The following ERC2 variants were observed in gnomAD, a reference collection of about 807,000 sequenced individuals.
ERC2 encodes ELKS/RAB6-interacting/CAST family member 2.
Under a neutral mutation model 114.8 loss-of-function variants are expected in ERC2, and 42 were observed. That is an observed-to-expected ratio of 0.37 (90% CI 0.29 to 0.47). ERC2 has a LOEUF of 0.47. Ranked by LOEUF, ERC2 falls within the 20% of genes least tolerant of loss-of-function variation. The probability of loss-of-function intolerance (pLI) is 0.99; values close to 1 mark genes in which losing one functional copy is unlikely to be tolerated. For synonymous variants in ERC2, 454 were observed against 425.5 expected (o/e 1.07, Z -0.82); for missense variants, 939 against 1,150.7 (o/e 0.82, Z 2.66).
At chr3:56,378,821 T>C (rs1036148832) in intron 2 of ERC2, among the ~76,000 whole-genome samples, 9 of 152,160 alleles carry the variant, frequency 5.9e-5, no homozygotes, top group African/African-American at 2.2e-4. Context: ...ACACCTCCAC[T>C]GCAACAGAGG....
rs58483738 is a variant in ERC2 at position 55,646,338 on chromosome 3, A to G, written c.*39+37456T>C. On this transcript the variant is annotated intron_variant, in intron 17 of 17. Coordinates refer to ENST00000288221, the MANE Select transcript of ERC2 (RefSeq NM_015576.3). ...CTTTGCTAAAATCCATTCAAGAAGC[A>G]TCTTTACCCTTCAAGATGTCTGGTG... Among the ~76,000 whole-genome samples, 414 of 152,346 alleles carry G rather than the reference A, an allele frequency of 2.7e-3. 12 individuals carry two copies. In the East Asian group the frequency reaches 0.042, roughly 16 times the overall value.
At chr3:56,445,831 C>G (rs983931502) in intron 1 of ERC2, among the ~76,000 whole-genome samples, 5 of 152,276 alleles carry the variant, frequency 3.3e-5, no homozygotes, top group Admixed American at 1.3e-4. Context: ...ATGATAGTTT[C>G]AATAGCATAC....
chr3:56,373,281 C>CA (rs1560695479), intron 2 of ERC2, among the ~76,000 whole-genome samples: 1 of 151,936 alleles, frequency 6.6e-6, no homozygotes, highest in Non-Finnish European at 1.5e-5. Context: ...CGATATTCAC[C>CA]AAAAAAATCT....
chr3:55,951,305 T>C (rs2067483158), intron 12 of ERC2, among the ~76,000 whole-genome samples: 3 of 152,216 alleles, frequency 2.0e-5, no homozygotes, highest in African/African-American at 7.2e-5. Context: ...AAATAACAAT[T>C]ATGAGGCTCC....
At chr3:56,428,260 C>T (rs568774700) in intron 2 of ERC2, among the ~76,000 whole-genome samples, 9 of 152,248 alleles carry the variant, frequency 5.9e-5, no homozygotes, top group African/African-American at 2.2e-4. Context: ...GTGGCTCACG[C>T]CTGTAATCCC....
At chr3:56,044,722 A>G (rs929037339) in intron 7 of ERC2, among the ~76,000 whole-genome samples, 11 of 152,122 alleles carry the variant, frequency 7.2e-5, no homozygotes, top group African/African-American at 2.4e-4. Context: ...CAATGTTGTT[A>G]TAAGAGTCAC....
intron 15 of ERC2, 109 bp downstream of exon 15, chr3:55,734,662 G>T: frequency 7.2e-7 from 1 of 1,381,786 alleles, no homozygotes; most frequent in Non-Finnish European, 9.7e-7. Flanking sequence ...GGTTTTAGGA[G>T]CTTGAGCCCA....
At position 55,950,514 on chromosome 3, in the gene ERC2, G is replaced by C. The variant is rs772165287; in HGVS notation, c.2314C>G (p.Gln772Glu). 4.3e-6 allele frequency: 7 copies of C among 1,613,872 alleles called. No individual in the cohort carries two copies. In the East Asian group the frequency reaches 1.3e-4, roughly 31 times the overall value. Residue 772 changes from glutamine to glutamate, a missense_variant, in exon 13 of 18, where the codon CAA (glutamine) becomes GAA (glutamate). Gln to Glu is a conservative substitution (Grantham distance 29). Around this residue, in one of 5 missense-constraint regions of ERC2, gnomAD observed 328 missense variants for 353.9 expected, o/e 0.93. Transcript: ENST00000288221. Reference sequence around the variant, plus strand: ...GCATTTTTCTTCTTTTCCAACTGTTGATTGTGCTTGAGGTTGGCCACCTTC... The same window carrying C: ...GCATTTTTCTTCTTTTCCAACTGTTCATTGTGCTTGAGGTTGGCCACCTTC... ...NKKVANLKHN[Q>E]QLEKKKNAQL...
intron 17 of ERC2, among the ~76,000 whole-genome samples, chr3:55,530,005 C>A (rs547148111): frequency 2.9e-4 from 44 of 152,286 alleles, no homozygotes; most frequent in Admixed American, 2.7e-3. Flanking sequence ...CCTCTTTATT[C>A]TCTTCCTAAA....
At chr3:56,288,019 T>G (rs1370874199) in intron 3 of ERC2, among the ~76,000 whole-genome samples, 1 of 152,144 alleles carries the variant, frequency 6.6e-6, no homozygotes, top group Non-Finnish European at 1.5e-5. Flanking sequence ...TCTGAGGAAA[T>G]AGTTAAAACG....
chr3:56,129,148 G>C (rs371758423), intron 6 of ERC2, among the ~76,000 whole-genome samples: 2 of 152,152 alleles, frequency 1.3e-5, no homozygotes, highest in Non-Finnish European at 2.9e-5. Context: ...GAAAGTATAT[G>C]TCTGCATGGA....
At chr3:56,126,482 T>C (rs914824345) in intron 6 of ERC2, among the ~76,000 whole-genome samples, 28 of 152,186 alleles carry the variant, frequency 1.8e-4, no homozygotes, top group African/African-American at 6.5e-4. Context: ...ATCTTACATA[T>C]GGAAACCCTA....
Position 56,283,719 on chromosome 3 carries a change from T to C in ERC2, c.1074+12300A>G, listed in dbSNP as rs557549397. On this transcript the variant is annotated intron_variant, in intron 3 of 17. Coordinates refer to ENST00000288221, the MANE Select transcript of ERC2 (RefSeq NM_015576.3). ...AGTGAGGGAGCTCTTAATTCCAGAT[T>C]CAAGTGATTAAATCATAAAAGAAGT... is the stretch of plus-strand genomic sequence containing the variant. Among the ~76,000 whole-genome samples, 49 of 152,344 alleles carry C rather than the reference T, an allele frequency of 3.2e-4. 1 individual carries two copies. The South Asian group carries it at 0.01, about 32-fold the overall frequency.
At chr3:55,830,378 T>C (rs376167837) in intron 14 of ERC2, among the ~76,000 whole-genome samples, 41 of 152,326 alleles carry the variant, frequency 2.7e-4, no homozygotes, top group African/African-American at 8.7e-4. Flanking sequence ...ACGAAGGACA[T>C]TCAACAGCAA....
intron 14 of ERC2, among the ~76,000 whole-genome samples, chr3:55,792,867 G>C (rs2070159712): frequency 6.6e-6 from 1 of 152,116 alleles, no homozygotes. Context: ...TGGGTGTAGA[G>C]TACAGTGTCA....
chr3:55,894,857 G>C (rs1297440422), intron 13 of ERC2, among the ~76,000 whole-genome samples: 1 of 152,188 alleles, frequency 6.6e-6, no homozygotes, highest in Non-Finnish European at 1.5e-5. Context: ...ACAATGCCTA[G>C]TACTCAGTAG....
At chr3:55,857,201 A>T (rs1453074454) in intron 14 of ERC2, among the ~76,000 whole-genome samples, 1 of 152,188 alleles carries the variant, frequency 6.6e-6, no homozygotes, top group Non-Finnish European at 1.5e-5. Flanking sequence ...AAAAAGAAAA[A>T]TAAAACAGAG....
At chr3:55,950,260 G>C (rs969697275) in intron 13 of ERC2, among the ~76,000 whole-genome samples, 165 bp downstream of exon 13, 4 of 152,166 alleles carry the variant, frequency 2.6e-5, no homozygotes, top group African/African-American at 9.7e-5. Flanking sequence ...TTCTGAAAAT[G>C]ATGACCCTCC....
At chr3:55,817,244 G>A (rs1408564351) in intron 14 of ERC2, among the ~76,000 whole-genome samples, 1 of 152,190 alleles carries the variant, frequency 6.6e-6, no homozygotes, top group Non-Finnish European at 1.5e-5. Flanking sequence ...AAACAACTGA[G>A]ATCTGAACCC....
Sources: allele counts gnomAD v4.1 joint callset (sites outside exome capture counted in the v4.1 genomes callset), GRCh38; gene constraint gnomAD v4.1.1; regional missense constraint gnomAD v4.1.1; transcripts MANE v1.5; gene names NCBI Gene and HGNC (gene_info 2026-07-23, HGNC 2026-07-21).